Variants in NIFK observed in about 807,000 individuals in gnomAD.
The protein encoded by NIFK is nucleolar protein interacting with the FHA domain of MKI67, also known as MKI67 FHA domain-interacting nucleolar phosphoprotein.
A neutral mutation model predicts 31.7 loss-of-function variants in NIFK; 16 were observed. The ratio of observed to expected loss-of-function variants is 0.50; its 90% CI spans 0.34 to 0.77. The LOEUF is 0.77. NIFK is among the 30% of genes least tolerant of loss of function. NIFK has a pLI of 0.01. For synonymous variants in NIFK, 126 were observed against 123.0 expected (o/e 1.02, Z -0.16); for missense variants, 341 against 350.4 (o/e 0.97, Z 0.21).
At chr2:121,728,403 C>T (rs1016940676) in intron 5 of NIFK, 47 bp from the exon 6 acceptor site, 4 of 1,469,742 alleles carry the variant, frequency 2.7e-6, no homozygotes, top group Non-Finnish European at 3.8e-6. Context: ...TGATCAGCTA[C>T]AGTAGTCTTG....
At chr2:121,734,244 C>T (rs146744872) in intron 2 of NIFK, among the ~76,000 whole-genome samples, 4,286 of 151,738 alleles carry the variant, frequency 0.028, 221 homozygotes, top group African/African-American at 0.098. Flanking sequence ...TGCAGTGAGC[C>T]GAGATCGCCC....
At position 121,732,100 on chromosome 2, in the gene NIFK, CA is replaced by C. The variant is rs2074545470; in HGVS notation, c.347del (p.Leu116TrpfsTer31). The C allele has an allele frequency of 6.3e-7, 1 of 1,597,388 alleles. No individual in the cohort carries two copies. Among genetic ancestry groups the C allele is most frequent in the African/African-American group, 1.3e-5 (1 of 74,592 alleles). ...MNNYLFGERLLECHFMPPEKV... is the reference protein window; with the variant it reads ...MNNYLFGERLXECHFMPPEKV... ...CGGTAAGACAGGAGCACTTACACTCCAAGAGTCTTTCACCAAACAGGTAGTT... is the reference window on the plus strand; with the variant it reads ...CGGTAAGACAGGAGCACTTACACTCCAGAGTCTTTCACCAAACAGGTAGTT... On this transcript the variant is annotated frameshift_variant, in exon 3 of 7. Transcript: ENST00000285814. LOFTEE classifies it high-confidence loss of function.
At position 121,731,014 on chromosome 2, in the gene NIFK, C is replaced by CGT; in HGVS notation, c.441_442dup (p.Arg148HisfsTer9). ...TGTTAGTGTCCGATTCCGATTATAC[C>CGT]GTTTCACTGATGGATATGATGGCTG... On this transcript the variant is annotated frameshift_variant, in exon 4 of 7. Transcript: ENST00000285814. LOFTEE classifies it high-confidence loss of function. 2 of 1,612,346 alleles carry CGT rather than the reference C, an allele frequency of 1.2e-6. No homozygotes were observed. The highest frequency in any genetic ancestry group is 1.7e-6 in the Non-Finnish European group (2 of 1,178,546).
In NIFK at chr2:121,735,622, T is replaced by C; in HGVS notation, c.234A>G (p.Arg78=). 6.2e-7 allele frequency: 1 copy of C among 1,612,010 alleles called. No homozygotes were observed. The highest frequency in any genetic ancestry group is 8.5e-7 in the Non-Finnish European group (1 of 1,179,836). The change falls in exon 2 of 7, where the codon AGA becomes AGG. Residue 78 remains arginine, a synonymous_variant. Transcript: ENST00000285814. ...FGTVTRFRLS[R]SKRTGNSKGY... is the part of the protein sequence containing the mutation. ...ACTGCAAAAATCTTACCCTTTTACTTCTGGACAGCCTGAACCGTGTCACAG... is the reference window on the plus strand; with the variant it reads ...ACTGCAAAAATCTTACCCTTTTACTCCTGGACAGCCTGAACCGTGTCACAG...
At chr2:121,736,278 C>T (rs1194847436) in intron 1 of NIFK, among the ~76,000 whole-genome samples, 1 of 152,208 alleles carries the variant, frequency 6.6e-6, no homozygotes, top group Admixed American at 6.5e-5. Flanking sequence ...CAAGTGGAAC[C>T]TGGCAAATAC....
At chr2:121,734,374 A>C (rs1312837114) in intron 2 of NIFK, among the ~76,000 whole-genome samples, 1 of 152,212 alleles carries the variant, frequency 6.6e-6, no homozygotes, top group Admixed American at 6.5e-5. Context: ...TATTGAATAC[A>C]AAAATTCAGC....
chr2:121,730,803 G>C (rs59537490), intron 4 of NIFK, 90 bp downstream of exon 4: 1 of 838,940 alleles, frequency 1.2e-6, no homozygotes, highest in Non-Finnish European at 2.0e-6. Flanking sequence ...CAAGATTGTG[G>C]TAAGTGCTAG....
In NIFK at chr2:121,727,465, T is replaced by C. The variant is rs1000500782; in HGVS notation, c.*259A>G. 1.6e-6 allele frequency: 1 copy of C among 626,920 alleles called. No individual in the cohort carries two copies. The highest frequency in any genetic ancestry group is 3.0e-6 in the Non-Finnish European group (1 of 329,732). The allele number at this position is 626,920 out of a possible 1,614,324, so 38.8% of individuals were successfully genotyped here. On this transcript the variant is annotated 3_prime_UTR_variant, in exon 7 of 7. Coordinates refer to ENST00000285814, the MANE Select transcript of NIFK (RefSeq NM_032390.5). Reference sequence around the variant, plus strand: ...CCAGGCAGAGTAAACTAAGGAGAGCTATGAAATATCAAAAGAAAACTAGAG... The same window carrying C: ...CCAGGCAGAGTAAACTAAGGAGAGCCATGAAATATCAAAAGAAAACTAGAG...
intron 4 of NIFK, 25 bp downstream of exon 4, chr2:121,730,868 C>T: frequency 6.4e-7 from 1 of 1,562,792 alleles, no homozygotes; most frequent in Non-Finnish European, 8.8e-7. Context: ...CAACAAACCA[C>T]AAAAAAGATT....
Position 121,727,614 on chromosome 2 carries a change from T to A in NIFK, c.*110A>T. On this transcript the variant is annotated 3_prime_UTR_variant, in exon 7 of 7. Transcript: ENST00000285814. ...CCTTAACTTGACCAAACAGTGTATT[T>A]TTCCTCTGAAAATCTTGTCAAAGGT... 1 of 923,330 alleles carries A rather than the reference T, an allele frequency of 1.1e-6. No individual in the cohort carries two copies. Among genetic ancestry groups the A allele is most frequent in the Non-Finnish European group, 1.7e-6 (1 of 590,120 alleles). The allele number at this position is 923,330 out of a possible 1,614,324, so 57.2% of individuals were successfully genotyped here. A position where few individuals can be genotyped will look rare whatever the true frequency, so the allele number is the denominator to read the frequency against.
intron 2 of NIFK, among the ~76,000 whole-genome samples, chr2:121,733,617 C>G (rs1017086624): frequency 6.6e-6 from 1 of 151,302 alleles, no homozygotes; most frequent in Non-Finnish European, 1.5e-5. Context: ...AGGCGGACAT[C>G]GCAGTCAGCT....
intron 2 of NIFK, among the ~76,000 whole-genome samples, chr2:121,734,349 G>A (rs1038938570): frequency 6.6e-6 from 1 of 151,886 alleles, no homozygotes; most frequent in African/African-American, 2.4e-5. Flanking sequence ...AGAGTTACAT[G>A]GATAAAGCTC....
intron 2 of NIFK, 29 bp downstream of exon 2, chr2:121,735,584 A>T: frequency 6.2e-7 from 1 of 1,610,204 alleles, no homozygotes; most frequent in South Asian, 1.1e-5. Context: ...TGAAAAACAA[A>T]ACATTAAATC....
chr2:121,734,166 G>A (rs964515182), intron 2 of NIFK, among the ~76,000 whole-genome samples: 3 of 151,692 alleles, frequency 2.0e-5, no homozygotes, highest in Non-Finnish European at 4.4e-5. Context: ...TGCAGTGGCC[G>A]GTACCTGTAA....
intron 2 of NIFK, among the ~76,000 whole-genome samples, chr2:121,735,085 A>G (rs966128213): frequency 6.6e-6 from 1 of 152,210 alleles, no homozygotes; most frequent in Non-Finnish European, 1.5e-5. Flanking sequence ...ACAAATAGTA[A>G]TTATACTTAT....
chr2:121,728,405 G>A, intron 5 of NIFK, 49 bp from the exon 6 acceptor site: 1 of 1,471,120 alleles, frequency 6.8e-7, no homozygotes, highest in African/African-American at 1.4e-5. Context: ...ATCAGCTACA[G>A]TAGTCTTGAA....
chr2:121,735,542 C>A (rs947906893), intron 2 of NIFK, 71 bp downstream of exon 2: 1 of 1,475,244 alleles, frequency 6.8e-7, no homozygotes, highest in Non-Finnish European at 9.4e-7. Flanking sequence ...TATGCGTGAA[C>A]GTGCTCTTTA....
In NIFK at chr2:121,727,474, T is replaced by G; in HGVS notation, c.*250A>C. On this transcript the variant is annotated 3_prime_UTR_variant, in exon 7 of 7. Transcript: ENST00000285814. ...GTAAACTAAGGAGAGCTATGAAATA[T>G]CAAAAGAAAACTAGAGGCCAGGACA... 1 of 645,908 alleles carries G rather than the reference T, an allele frequency of 1.5e-6. No individual in the cohort carries two copies. 40.0% of individuals were successfully genotyped at this position (645,908 alleles called of 1,614,324 possible).
rs1399270357 is a variant in NIFK at position 121,736,799 on chromosome 2, C to T, written c.52G>A (p.Glu18Lys). 17 of 1,614,174 alleles carry T rather than the reference C, an allele frequency of 1.1e-5. No homozygotes were observed. Among genetic ancestry groups the T allele is most frequent in the East Asian group, 2.2e-5 (1 of 44,880 alleles). Residue 18 changes from glutamate (E) to lysine (K), a missense_variant, in exon 1 of 7, where the codon GAA (glutamate) becomes AAA (lysine). By Grantham distance (56) the Glu-to-Lys change is moderately conservative (BLOSUM62 1). Transcript: ENST00000285814. ...ACCTCCTTTTGAAACTCGACATCTTCCTGCGGATTAAGCGACAGGATTGGC... is the reference window on the plus strand; with the variant it reads ...ACCTCCTTTTGAAACTCGACATCTTTCTGCGGATTAAGCGACAGGATTGGC... The part of the protein sequence containing the change: ...AGPILSLNPQ[E>K]DVEFQKEVAQ...
Sources: gnomAD v4.1 joint callset for allele counts (sites outside exome capture counted in the v4.1 genomes callset) on GRCh38, gnomAD v4.1.1 for gene constraint, MANE v1.5 for transcripts, NCBI Gene and HGNC (gene_info 2026-07-23, HGNC 2026-07-21) for gene names.